UBXN7: variants seen among roughly 807,000 people sequenced by gnomAD.
The protein encoded by UBXN7 is UBX domain protein 7, also known as UBX domain-containing protein 7.
UBXN7 carries 9 observed loss-of-function variants against 58.0 expected under a neutral mutation model. The observed-to-expected ratio is 0.16, with a 90% CI of 0.09 to 0.27. The LOEUF (loss-of-function observed/expected upper bound fraction) is 0.27, where lower values mean the gene tolerates loss of function less well. Ranked by LOEUF, UBXN7 falls within the 10% of genes least tolerant of loss-of-function variation. The probability of loss-of-function intolerance (pLI) is 1.00; values close to 1 mark genes in which losing one functional copy is unlikely to be tolerated. For missense variants in UBXN7, 328 were observed against 599.6 expected, an observed-to-expected ratio of 0.55 and a Z score of 4.73; for synonymous variants, 208 against 205.0, an observed-to-expected ratio of 1.01 and a Z score of -0.12.
Position 196,352,897 on chromosome 3 carries a change from A to C in UBXN7, c.*3788T>G, listed in dbSNP as rs1041323598. On this transcript the variant is annotated 3_prime_UTR_variant, in exon 11 of 11. Coordinates refer to ENST00000296328, the MANE Select transcript of UBXN7 (RefSeq NM_015562.2). The surrounding 1 kb of genome is among the most constrained non-coding windows in gnomAD (Gnocchi z 4.1). Reference sequence around the variant, plus strand: ...AAAAAAGGTAATTGTATCTTTTCTGAAAAATGTTTAAAAAAAGAAAAAATT... The same window carrying C: ...AAAAAAGGTAATTGTATCTTTTCTGCAAAATGTTTAAAAAAAGAAAAAATT... 1 of 152,198 alleles carries C rather than the reference A, an allele frequency of 6.6e-6. No homozygotes were observed. The highest frequency in any genetic ancestry group is 2.4e-5 in the African/African-American group (1 of 41,454). The allele number at this position is 152,198 out of a possible 1,614,324, so 9.4% of individuals were successfully genotyped here.
At chr3:196,408,195 G>A (rs1379365362) in intron 1 of UBXN7, among the ~76,000 whole-genome samples, 2 of 151,464 alleles carry the variant, frequency 1.3e-5, no homozygotes, top group African/African-American at 4.9e-5. Context: ...TCAAAATCTG[G>A]TAAGAAATGT....
chr3:196,358,420 A>C (rs768003620), intron 10 of UBXN7, among the ~76,000 whole-genome samples: 1 of 152,202 alleles, frequency 6.6e-6, no homozygotes, highest in Non-Finnish European at 1.5e-5. Flanking sequence ...TACCTAATTT[A>C]ATCTGGGAAG....
chr3:196,405,298 C>T (rs2108854118), intron 2 of UBXN7, among the ~76,000 whole-genome samples: 1 of 151,524 alleles, frequency 6.6e-6, no homozygotes, highest in Non-Finnish European at 1.5e-5. Context: ...GGTGCAACCC[C>T]ATGTCTACTA....
intron 3 of UBXN7, among the ~76,000 whole-genome samples, chr3:196,399,399 A>T (rs1323794145): frequency 6.6e-6 from 1 of 151,994 alleles, no homozygotes; most frequent in Non-Finnish European, 1.5e-5. Context: ...CAGCCTCCCA[A>T]AGTGTTGAGA....
At chr3:196,399,112 C>T (rs926207761) in intron 3 of UBXN7, among the ~76,000 whole-genome samples, 5 of 152,298 alleles carry the variant, frequency 3.3e-5, no homozygotes, top group East Asian at 1.9e-4. Context: ...TACTTCAGCT[C>T]GCTACTCTAA....
At chr3:196,380,258 A>C (rs1429872053) in intron 5 of UBXN7, among the ~76,000 whole-genome samples, 157 of 138,278 alleles carry the variant, frequency 1.1e-3, no homozygotes, top group African/African-American at 1.1e-3. Flanking sequence ...ATTTCATCTC[A>C]AAAAAAAAAA....
intron 3 of UBXN7, among the ~76,000 whole-genome samples, chr3:196,394,526 C>G (rs1729708086): frequency 6.6e-6 from 1 of 151,076 alleles, no homozygotes; most frequent in East Asian, 2.0e-4. Context: ...TCACTTGAAC[C>G]TGGGAGGTGG....
At chr3:196,430,866 AT>A (rs1731008915) in intron 1 of UBXN7, among the ~76,000 whole-genome samples, 1 of 152,164 alleles carries the variant, frequency 6.6e-6, no homozygotes, top group Non-Finnish European at 1.5e-5. Context: ...TCCTTTACAT[AT>A]TTAATATAAT....
chr3:196,401,823 G>GAGAGAAGAGAAGAGA (rs56069211), intron 3 of UBXN7, among the ~76,000 whole-genome samples: 6,351 of 120,266 alleles, frequency 0.053, 297 homozygotes, highest in Middle Eastern at 0.072. Context: ...GAAAAGAGAA[G>GAGAGAAGAGAAGAGA]AGAGAAGAGA....
chr3:196,411,887 G>A (rs1327650173), intron 1 of UBXN7, among the ~76,000 whole-genome samples: 1 of 152,092 alleles, frequency 6.6e-6, no homozygotes, highest in Non-Finnish European at 1.5e-5. Context: ...TATATTTAAG[G>A]TGCAAATGAA....
At position 196,432,406 on chromosome 3, in the gene UBXN7, G is replaced by A; in HGVS notation, c.-7C>T. On this transcript the variant is annotated 5_prime_UTR_variant, in exon 1 of 11. Coordinates refer to ENST00000296328, the MANE Select transcript of UBXN7 (RefSeq NM_015562.2). ...AGCCCCCGTGGGCAGCCATCTTACC[G>A]CCGCCGCCGCCGCCGAACAACAACA... 8 of 1,550,766 alleles carry A rather than the reference G, an allele frequency of 5.2e-6. No individual in the cohort carries two copies. The highest frequency in any genetic ancestry group is 1.2e-5 in the South Asian group (1 of 83,962).
At chr3:196,378,575 T>C (rs1729101779) in intron 5 of UBXN7, among the ~76,000 whole-genome samples, 1 of 152,246 alleles carries the variant, frequency 6.6e-6, no homozygotes. Flanking sequence ...GGATTACTTA[T>C]GAGTTTTCCA....
chr3:196,369,076 G>A (rs1033029873), intron 7 of UBXN7, among the ~76,000 whole-genome samples: 7 of 152,028 alleles, frequency 4.6e-5, no homozygotes, highest in African/African-American at 1.4e-4. Flanking sequence ...CGCCCACCTC[G>A]GCCTCCCAAA....
chr3:196,379,629 G>A (rs148366324), intron 5 of UBXN7, among the ~76,000 whole-genome samples: 222 of 152,302 alleles, frequency 1.5e-3, no homozygotes, highest in African/African-American at 5.2e-3. Flanking sequence ...GAGGACCTCA[G>A]TCTGAAAGCA....
chr3:196,398,501 A>G (rs1343243954), intron 3 of UBXN7, among the ~76,000 whole-genome samples: 1 of 152,234 alleles, frequency 6.6e-6, no homozygotes, highest in Non-Finnish European at 1.5e-5. Flanking sequence ...TTCATTACAC[A>G]GTATTTTAAA....
chr3:196,372,163 T>C, intron 5 of UBXN7, 121 bp from the exon 6 acceptor site: 1 of 1,065,402 alleles, frequency 9.4e-7, no homozygotes, highest in South Asian at 1.7e-5. Flanking sequence ...AGATACGACA[T>C]CTAGAGTTTT....
intron 9 of UBXN7, 95 bp from the exon 10 acceptor site, chr3:196,362,018 C>A: frequency 8.1e-7 from 1 of 1,239,916 alleles, no homozygotes; most frequent in South Asian, 1.3e-5. Context: ...TACAGCCATT[C>A]AGCAATTACT....
rs775480804 is a variant in UBXN7, at chr3:196,407,040, C to T, written c.221+206G>A. Among the ~76,000 whole-genome samples the T allele has an allele frequency of 3.3e-5, 5 of 152,374 alleles. No homozygotes were observed. The East Asian group carries it at 7.7e-4, about 23-fold the overall frequency. On this transcript the variant is annotated intron_variant, in intron 2 of 10. Coordinates refer to ENST00000296328, the MANE Select transcript of UBXN7 (RefSeq NM_015562.2). ...CATCTCCCCGACTTCACAGAGCCTACACGGTTCCTTTGAGGATTAAATAAG... is the reference window on the plus strand; with the variant it reads ...CATCTCCCCGACTTCACAGAGCCTATACGGTTCCTTTGAGGATTAAATAAG...
intron 3 of UBXN7, chr3:196,400,706 C>T (rs1729935207): frequency 2.7e-6 from 1 of 366,792 alleles, no homozygotes; most frequent in African/African-American, 2.2e-5. Context: ...TATCACTGCA[C>T]TCCAGCCTGG....
Sources: allele counts gnomAD v4.1 joint callset (sites outside exome capture counted in the v4.1 genomes callset), GRCh38; gene constraint gnomAD v4.1.1; non-coding constraint Gnocchi (gnomAD v3.1); transcripts MANE v1.5; gene names NCBI Gene and HGNC (gene_info 2026-07-23, HGNC 2026-07-21).